Variants in CC2D2B observed in about 807,000 individuals in gnomAD.
The protein encoded by CC2D2B is coiled-coil and C2 domain containing 2B, also known as protein CC2D2B.
In CC2D2B, 128 loss-of-function variants were observed where a neutral mutation model predicts 161.2. The ratio of observed to expected loss-of-function variants is 0.79; its 90% CI spans 0.69 to 0.92. The LOEUF (loss-of-function observed/expected upper bound fraction) is 0.92, where lower values mean the gene tolerates loss of function less well. Ranked by LOEUF, CC2D2B falls within the 40% of genes least tolerant of loss-of-function variation. CC2D2B has a pLI of 0.00. For missense variants in CC2D2B, 1,173 were observed against 1,375.1 expected (o/e 0.85, Z 2.32); for synonymous variants, 391 against 449.8 (o/e 0.87, Z 1.65).
At chr10:95,993,948 ATGTG>A (rs375278156) in intron 22 of CC2D2B, among the ~76,000 whole-genome samples, 2,026 of 21,000 alleles carry the variant, frequency 0.096, 35 homozygotes, top group Non-Finnish European at 0.11. Flanking sequence ...GTGTGTATGT[ATGTG>A]TATATATATA....
chr10:95,932,221 C>A (rs1230230786), intron 6 of CC2D2B, among the ~76,000 whole-genome samples: 1 of 151,670 alleles, frequency 6.6e-6, no homozygotes, highest in African/African-American at 2.4e-5. Flanking sequence ...TTTTTGCTTT[C>A]CATTTGCTTG....
chr10:96,020,663 T>A (rs1235353601), intron 32 of CC2D2B: 2 of 152,038 alleles, frequency 1.3e-5, no homozygotes, highest in Admixed American at 1.3e-4. Context: ...ATAGAAAAAT[T>A]AGGCAAAAGA....
chr10:95,984,122 G>T (rs1232661575), intron 19 of CC2D2B, among the ~76,000 whole-genome samples: 1 of 152,068 alleles, frequency 6.6e-6, no homozygotes, highest in African/African-American at 2.4e-5. Context: ...AAGCGGCTTT[G>T]GGAGTAAGGG....
rs1011557018 is a variant in CC2D2B, at chr10:95,973,281, C to G, written c.1796-728C>G. On this transcript the variant is annotated intron_variant, in intron 16 of 34. Transcript: ENST00000646931. ...AAAAATTTAGGGAACACTGTGCACTCAGCAAAAGTTTTAAGAAGTATTGTT... is the reference window on the plus strand; with the variant it reads ...AAAAATTTAGGGAACACTGTGCACTGAGCAAAAGTTTTAAGAAGTATTGTT... 2.6e-5 allele frequency among the ~76,000 whole-genome samples: 4 copies of G among 152,074 alleles called. No homozygotes were observed. The South Asian group carries it at 8.3e-4, about 32-fold the overall frequency.
At chr10:95,941,363 C>T (rs2076016259) in intron 9 of CC2D2B, among the ~76,000 whole-genome samples, 1 of 152,112 alleles carries the variant, frequency 6.6e-6, no homozygotes, top group South Asian at 2.1e-4. Context: ...AACTAAAATG[C>T]ATCTGTTGCA....
chr10:95,918,057 A>G (rs184793049), intron 2 of CC2D2B, among the ~76,000 whole-genome samples: 7 of 152,264 alleles, frequency 4.6e-5, no homozygotes, highest in Non-Finnish European at 8.8e-5. Flanking sequence ...GATTACAGGT[A>G]TGAGCCACCG....
At chr10:96,012,773 C>A in intron 28 of CC2D2B, 44 bp downstream of exon 28, 1 of 1,204,288 alleles carries the variant, frequency 8.3e-7, no homozygotes, top group Non-Finnish European at 1.2e-6. Flanking sequence ...GATTAAAGGG[C>A]ATCTGTGAAG....
chr10:95,966,949 G>T (rs1243935488), intron 14 of CC2D2B, among the ~76,000 whole-genome samples: 1 of 151,980 alleles, frequency 6.6e-6, no homozygotes, highest in Non-Finnish European at 1.5e-5. Flanking sequence ...CCCTTAAAGA[G>T]GATATGGCAA....
At chr10:95,995,078 C>T (rs888856964) in intron 22 of CC2D2B, among the ~76,000 whole-genome samples, 191 bp from the exon 23 acceptor site, 33 of 152,248 alleles carry the variant, frequency 2.2e-4, no homozygotes, top group African/African-American at 7.5e-4. Flanking sequence ...TTAGGAGTTG[C>T]GCTTCCAGAG....
chr10:95,914,060 C>T (rs1364570167), intron 2 of CC2D2B, among the ~76,000 whole-genome samples: 7 of 152,066 alleles, frequency 4.6e-5, no homozygotes, highest in African/African-American at 9.7e-5. Flanking sequence ...TGGAGAGTTT[C>T]CCCAATTTTT....
At chr10:96,029,294 A>ATGTATATCTATATATATATG (rs1564689401) in intron 34 of CC2D2B, among the ~76,000 whole-genome samples, 34 of 125,526 alleles carry the variant, frequency 2.7e-4, no homozygotes, top group Admixed American at 5.9e-4. Context: ...ATGTATATAT[A>ATGTATATCTATATATATATG]TATATATATA....
chr10:95,954,646 T>C (rs1003878221), intron 10 of CC2D2B, among the ~76,000 whole-genome samples: 3 of 152,172 alleles, frequency 2.0e-5, no homozygotes, highest in African/African-American at 7.2e-5. Flanking sequence ...CCTGTTACCA[T>C]CTTTATTGTG....
chr10:95,931,352 T>C (rs943015704), intron 6 of CC2D2B, among the ~76,000 whole-genome samples: 2 of 152,212 alleles, frequency 1.3e-5, no homozygotes. Context: ...TCATTGATTT[T>C]TTGAAGAGTT....
At chr10:95,982,251 G>A (rs1590729694) in intron 18 of CC2D2B, 138 bp downstream of exon 18, 1 of 498,080 alleles carries the variant, frequency 2.0e-6, no homozygotes, top group Non-Finnish European at 3.1e-6. Context: ...TGAGGACAGA[G>A]ACCATTTTCA....
Position 96,025,177 on chromosome 10 carries a change from ATATAT to A in CC2D2B, c.3947+267_3947+271del, listed in dbSNP as rs1183237812. 9.5e-3 allele frequency among the ~76,000 whole-genome samples: 227 copies of A among 23,876 alleles called. 5 individuals carry two copies. The highest frequency in any genetic ancestry group is 0.049 in the South Asian group (49 of 990). The allele number at this position is 23,876 out of a possible 152,430, so 15.7% of individuals were successfully genotyped here. Reference sequence around the variant, plus strand: ...AAAATATATATATATATATATATATATATATATAAAAAAAAATATATATATATATA... The same window carrying A: ...AAAATATATATATATATATATATATAATAAAAAAAAATATATATATATATA... On this transcript the variant is annotated intron_variant, in intron 33 of 34. Transcript: ENST00000646931.
Position 95,982,668 on chromosome 10 carries a change from T to G in CC2D2B, c.2082+555T>G, listed in dbSNP as rs2077572128. 3.9e-5 allele frequency among the ~76,000 whole-genome samples: 6 copies of G among 152,236 alleles called. 1 individual carries two copies. In the South Asian group the frequency reaches 1.2e-3, roughly 32 times the overall value. ...CCTCAGTTAGGCACCACATTTTCTT[T>G]CCTTGCTTTCCTGTTAACCTTTCTT... On this transcript the variant is annotated intron_variant, in intron 18 of 34. Transcript: ENST00000646931.
In CC2D2B at chr10:95,934,349, A is replaced by G. The variant is rs2075730527; in HGVS notation, c.337-3642A>G. On this transcript the variant is annotated intron_variant, in intron 6 of 34. Transcript: ENST00000646931. ...GGTGGGATCCACAAAGCTAGACCAC[A>G]TGGCTCCCTGGCTTCAGCCTCCTTT... 2.0e-5 allele frequency among the ~76,000 whole-genome samples: 3 copies of G among 152,022 alleles called. 1 individual carries two copies. Among genetic ancestry groups the G allele is most frequent in the Non-Finnish European group, 4.4e-5 (3 of 68,006 alleles).
chr10:95,978,059 G>A (rs2141559360), intron 17 of CC2D2B, among the ~76,000 whole-genome samples: 1 of 152,166 alleles, frequency 6.6e-6, no homozygotes, highest in East Asian at 1.9e-4. Context: ...ACTTTAAAAT[G>A]GTGGTAAATT....
In CC2D2B at chr10:95,927,288, C is replaced by A; in HGVS notation, c.292C>A (p.Leu98Met). The change falls in exon 6 of 35, where the codon CTG (leucine) becomes ATG (methionine). Residue 98 changes from leucine (L) to methionine (M), a missense_variant. Physicochemically the swap from Leu to Met is conservative, Grantham distance 15. Transcript: ENST00000646931. Reference sequence around the variant, plus strand: ...GGATGAAAGTCTTTCATTTTTCATTCTGAGTGGTGAAGAAGGTTCAGCTTT... The same window carrying A: ...GGATGAAAGTCTTTCATTTTTCATTATGAGTGGTGAAGAAGGTTCAGCTTT... ...SLDESLSFFI[L>M]SGEEGSALGK... The A allele has an allele frequency of 6.4e-7, 1 of 1,551,624 alleles. No individual in the cohort carries two copies. The highest frequency in any genetic ancestry group is 8.7e-7 in the Non-Finnish European group (1 of 1,146,698).
Sources: allele counts gnomAD v4.1 joint callset (sites outside exome capture counted in the v4.1 genomes callset), GRCh38; gene constraint gnomAD v4.1.1; transcripts MANE v1.5; gene names NCBI Gene and HGNC (gene_info 2026-07-23, HGNC 2026-07-21).